The following CAMTA1 variants were observed in gnomAD, a reference collection of about 807,000 sequenced individuals.
CAMTA1 encodes calmodulin-binding transcription activator 1.
CAMTA1 carries 27 observed loss-of-function variants against 170.9 expected under a neutral mutation model. The ratio of observed to expected loss-of-function variants is 0.16; its 90% CI spans 0.12 to 0.22. CAMTA1 has a LOEUF of 0.22. Ranked by LOEUF, CAMTA1 falls within the 10% of genes least tolerant of loss-of-function variation. The pLI is 1.00. For synonymous variants in CAMTA1, 833 were observed against 891.5 expected, an observed-to-expected ratio of 0.93 and a Z score of 1.17; for missense variants, 1,619 against 2,217.2, an observed-to-expected ratio of 0.73 and a Z score of 5.42.
intron 4 of CAMTA1, among the ~76,000 whole-genome samples, chr1:7,222,116 A>T (rs1321321529): frequency 6.6e-6 from 1 of 152,098 alleles, no homozygotes; most frequent in Non-Finnish European, 1.5e-5. Context: ...TCATAATGTC[A>T]CTGAGATCTG....
At chr1:7,059,486 G>A (rs543428044) in intron 3 of CAMTA1, among the ~76,000 whole-genome samples, 1 of 152,206 alleles carries the variant, frequency 6.6e-6, no homozygotes, top group African/African-American at 2.4e-5. Context: ...TGGGCACAAC[G>A]ATGCACACCT....
chr1:7,440,293 C>T (rs1041807426), intron 5 of CAMTA1, among the ~76,000 whole-genome samples: 2 of 152,238 alleles, frequency 1.3e-5, no homozygotes, highest in Admixed American at 1.3e-4. Flanking sequence ...CAATCGGGAG[C>T]CCCGACCTCT....
At chr1:6,824,354 C>A (rs531040008) in intron 2 of CAMTA1, among the ~76,000 whole-genome samples, 1 of 152,204 alleles carries the variant, frequency 6.6e-6, no homozygotes, top group South Asian at 2.1e-4. Context: ...AGGAAATGAT[C>A]TCTTCTAGAA....
At chr1:7,284,481 C>T (rs558933735) in intron 5 of CAMTA1, among the ~76,000 whole-genome samples, 5 of 152,204 alleles carry the variant, frequency 3.3e-5, no homozygotes, top group African/African-American at 7.2e-5. Flanking sequence ...GGATTACAGG[C>T]GTGAGCCACC....
At position 7,721,533 on chromosome 1, in the gene CAMTA1, T is replaced by C. The variant is rs538634085; in HGVS notation, c.2915-10915T>C. On this transcript the variant is annotated intron_variant, in intron 11 of 22. Transcript: ENST00000303635. ...TTCACCAGGTGGATGAGGAGAAAGG[T>C]TGGCCTCGGCAGAGGCCCAGAGGTA... Among the ~76,000 whole-genome samples the C allele has an allele frequency of 4.6e-5, 7 of 152,230 alleles. No individual in the cohort carries two copies. The East Asian group carries it at 9.6e-4, about 21-fold the overall frequency.
chr1:7,355,378 C>G (rs559308809), intron 5 of CAMTA1, among the ~76,000 whole-genome samples: 2 of 152,142 alleles, frequency 1.3e-5, no homozygotes, highest in African/African-American at 4.8e-5. Context: ...GAGCAAGACC[C>G]TGTCTCAAAA....
intron 3 of CAMTA1, among the ~76,000 whole-genome samples, chr1:6,919,831 C>G (rs985992483): frequency 2.0e-5 from 3 of 152,132 alleles, no homozygotes; most frequent in African/African-American, 7.2e-5. Context: ...TCTCAGGAGA[C>G]TTATTCGCTA....
intron 3 of CAMTA1, among the ~76,000 whole-genome samples, chr1:6,986,130 A>G (rs1695318749): frequency 6.6e-6 from 1 of 152,154 alleles, no homozygotes; most frequent in Non-Finnish European, 1.5e-5. Context: ...GGTGGGTATC[A>G]GAGGACGGAG....
Position 7,044,512 on chromosome 1 carries a change from C to T in CAMTA1, c.235-46792C>T, listed in dbSNP as rs1705033923. On this transcript the variant is annotated intron_variant, in intron 3 of 22. Transcript: ENST00000303635. The surrounding 1 kb of genome is among the most constrained non-coding windows in gnomAD (Gnocchi z 5.0). ...GATGGCACAAACACCAGGCCTTCAG[C>T]AGGGCCATAAGCATCTGAGGCTAGG... 6.6e-6 allele frequency among the ~76,000 whole-genome samples: 1 copy of T among 152,200 alleles called. No individual in the cohort carries two copies. Among genetic ancestry groups the T allele is most frequent in the Non-Finnish European group, 1.5e-5 (1 of 68,030 alleles).
chr1:7,161,604 A>G (rs1033706008), intron 4 of CAMTA1, among the ~76,000 whole-genome samples: 66 of 152,154 alleles, frequency 4.3e-4, no homozygotes, highest in Admixed American at 1.3e-3. Context: ...GCCTGCTACC[A>G]TCCATGTAAG....
chr1:7,626,856 G>A (rs1452213913), intron 6 of CAMTA1, among the ~76,000 whole-genome samples: 1 of 152,178 alleles, frequency 6.6e-6, no homozygotes, highest in Non-Finnish European at 1.5e-5. Flanking sequence ...TAAACAGAAG[G>A]GTTTAGGAGA....
At chr1:6,862,770 C>T (rs1479168319) in intron 3 of CAMTA1, among the ~76,000 whole-genome samples, 2 of 152,156 alleles carry the variant, frequency 1.3e-5, no homozygotes, top group East Asian at 3.9e-4. Flanking sequence ...TGGAATTTCC[C>T]CAGAGCTTGA....
intron 4 of CAMTA1, among the ~76,000 whole-genome samples, chr1:7,208,228 A>G (rs1658117010): frequency 6.6e-6 from 1 of 152,256 alleles, no homozygotes; most frequent in Non-Finnish European, 1.5e-5. Flanking sequence ...CTCCCAGACA[A>G]ACTGATCCAG....
intron 6 of CAMTA1, among the ~76,000 whole-genome samples, chr1:7,578,081 T>C (rs921485899): frequency 3.3e-5 from 5 of 152,238 alleles, no homozygotes; most frequent in African/African-American, 9.6e-5. Context: ...TGGGAGTTAC[T>C]GTGCACATGT....
At chr1:6,812,585 A>G (rs560540307) in intron 1 of CAMTA1, among the ~76,000 whole-genome samples, 2 of 152,288 alleles carry the variant, frequency 1.3e-5, no homozygotes, top group South Asian at 2.1e-4. Context: ...AGTTGAATCT[A>G]TTTGTACAAA....
chr1:6,913,933 T>C (rs1360719395), intron 3 of CAMTA1, among the ~76,000 whole-genome samples: 2 of 152,022 alleles, frequency 1.3e-5, no homozygotes, highest in Non-Finnish European at 2.9e-5. Context: ...TTTCCATCAG[T>C]GTCCTGAGAA....
intron 1 of CAMTA1, among the ~76,000 whole-genome samples, chr1:6,814,812 A>G (rs1367838584): frequency 2.0e-5 from 3 of 152,214 alleles, no homozygotes; most frequent in Admixed American, 1.3e-4. Flanking sequence ...AAAGAACGGT[A>G]AATACACTTT....
At chr1:7,381,288 A>C in intron 5 of CAMTA1, among the ~76,000 whole-genome samples, 1 of 149,264 alleles carries the variant, frequency 6.7e-6, no homozygotes, top group African/African-American at 2.5e-5. Context: ...ATATCTCCCA[A>C]TGCTATCCCT....
chr1:6,831,268 A>C (rs2148583553), intron 3 of CAMTA1, among the ~76,000 whole-genome samples: 1 of 152,360 alleles, frequency 6.6e-6, no homozygotes. Context: ...TATTAAACAC[A>C]GAGCACATTC....
Sources: gnomAD v4.1 joint callset for allele counts (sites outside exome capture counted in the v4.1 genomes callset) on GRCh38, gnomAD v4.1.1 for gene constraint, Gnocchi (gnomAD v3.1) non-coding constraint, MANE v1.5 for transcripts, NCBI Gene and HGNC (gene_info 2026-07-23, HGNC 2026-07-21) for gene names.